Variants in BORCS8 observed in about 807,000 individuals in gnomAD.
BORCS8 encodes BLOC-1-related complex subunit 8.
Under a neutral mutation model 18.7 loss-of-function variants are expected in BORCS8, and 13 were observed. That is an observed-to-expected ratio of 0.70 (90% confidence interval 0.45 to 1.11). The LOEUF (loss-of-function observed/expected upper bound fraction) is 1.11. Among genes scored for constraint, BORCS8 ranks in the 50% least tolerant of loss-of-function variants. The pLI, the probability that BORCS8 is intolerant of heterozygous loss-of-function variation, is 0.00. For synonymous variants in BORCS8, 68 were observed against 64.8 expected, an observed-to-expected ratio of 1.05 and a Z score of -0.24; for missense variants, 165 against 165.7, an observed-to-expected ratio of 1.00 and a Z score of 0.02.
At chr19:19,177,708 G>GAA (rs942032354) in intron 5 of BORCS8, 1 of 72,034 alleles carries the variant, frequency 1.4e-5, no homozygotes, top group South Asian at 2.2e-4. Flanking sequence ...GAAAAGAAAA[G>GAA]AAAAGAAAAG....
rs2060359969 is a variant in BORCS8 at position 19,182,616 on chromosome 19, T to C, written c.283A>G (p.Ile95Val). ...RSVEGLLKQA[I>V]SIRDHMNASA... ...GCATTCATATGGTCCCGGATGCTGA[T>C]GGCCTGTTTGAGCAGACCCTCCACG... Residue 95 changes from isoleucine to valine, a missense_variant, in exon 4 of 6, where the codon ATC (isoleucine) becomes GTC (valine). Physicochemically the swap from Ile to Val is conservative, Grantham distance 29. Transcript: ENST00000462790. This position sits in a 1 kb window ranked among gnomAD's most constrained non-coding sequence, Gnocchi z 4.1. 1 of 1,551,392 alleles carries C rather than the reference T, an allele frequency of 6.4e-7. No individual in the cohort carries two copies. Among genetic ancestry groups the C allele is most frequent in the Non-Finnish European group, 8.7e-7 (1 of 1,146,942 alleles).
intron 3 of BORCS8, among the ~76,000 whole-genome samples, chr19:19,184,289 T>G (rs77805918): frequency 1.5e-4 from 20 of 135,692 alleles, no homozygotes; most frequent in South Asian, 4.4e-4. Flanking sequence ...TTTTTGTTGG[T>G]TTTTTTTTTT....
chr19:19,187,013 C>T lies in BORCS8; in HGVS notation c.38-8G>A. ...CAGTGAACTTGTCCGTGACTAGATA[C>T]AGGTGGTAGGGATGGGGCGGGTGTG... On this transcript the variant is annotated splice_region_variant and splice_polypyrimidine_tract_variant and intron_variant, in intron 1 of 5. Transcript: ENST00000462790. 1 of 1,547,690 alleles carries T rather than the reference C, an allele frequency of 6.5e-7. No individual in the cohort carries two copies. The highest frequency in any genetic ancestry group is 8.7e-7 in the Non-Finnish European group (1 of 1,144,060).
intron 5 of BORCS8, 176 bp downstream of exon 5, chr19:19,180,510 G>C: frequency 1.6e-6 from 1 of 624,530 alleles, no homozygotes; most frequent in South Asian, 1.8e-5. Flanking sequence ...CTGAGCAGCA[G>C]GGTGGAACAT....
At position 19,177,640 on chromosome 19, in the gene BORCS8, AGAAGGAAG is replaced by A. The variant is rs1212671462; in HGVS notation, c.*43-188_*43-181del. The stretch of plus-strand genomic sequence containing the variant: ...AGATCCTGTCAAAAGAAAGAAAGAA[AGAAGGAAG>A]GAAGGAAGGAAGGAAGGAAGGAAGG... On this transcript the variant is annotated intron_variant, in intron 5 of 5. Coordinates refer to ENST00000462790, the MANE Select transcript of BORCS8 (RefSeq NM_001145784.2). The A allele has an allele frequency of 8.7e-3, 898 of 103,066 alleles. 21 individuals carry two copies. The highest frequency in any genetic ancestry group is 0.011 in the African/African-American group (263 of 24,198). The allele number at this position is 103,066 out of a possible 1,614,324, so 6.4% of individuals were successfully genotyped here.
intron 4 of BORCS8, 52 bp from the exon 5 acceptor site, chr19:19,180,813 G>A: frequency 6.7e-7 from 1 of 1,501,176 alleles, no homozygotes; most frequent in Non-Finnish European, 8.9e-7. Flanking sequence ...AGGCCACAAG[G>A]CTTGCTCAGC....
chr19:19,188,640 G>A (rs954444374), intron 1 of BORCS8, among the ~76,000 whole-genome samples: 1 of 152,120 alleles, frequency 6.6e-6, no homozygotes, highest in Non-Finnish European at 1.5e-5. Context: ...CCACTCACCA[G>A]TGAGAGATAT....
At chr19:19,177,692 GGAAGAGAAAAGAAAAGAAAAGA>G (rs2060309347) in intron 5 of BORCS8, 1 of 48,894 alleles carries the variant, frequency 2.0e-5, no homozygotes, top group Non-Finnish European at 3.9e-5. Flanking sequence ...AAGGAAGGAA[GGAAGAGAAAAGAAAAGAAAAGA>G]AAAGAAAAGA....
intron 1 of BORCS8, 120 bp downstream of exon 1, chr19:19,191,961 C>G (rs922386807): frequency 1.2e-4 from 145 of 1,220,270 alleles, no homozygotes; most frequent in Non-Finnish European, 1.5e-4. Context: ...AGCGGCAGAG[C>G]TGGGATTGGA....
In BORCS8 at chr19:19,182,516, G is replaced by A; in HGVS notation, c.326+57C>T. The A allele has an allele frequency of 6.5e-7, 1 of 1,530,598 alleles. No individual in the cohort carries two copies. Among genetic ancestry groups the A allele is most frequent in the East Asian group, 2.5e-5 (1 of 40,696 alleles). 94.8% of individuals were successfully genotyped at this position (1,530,598 alleles called of 1,614,324 possible). A position where few individuals can be genotyped will look rare whatever the true frequency, so the allele number is the denominator to read the frequency against. On this transcript the variant is annotated intron_variant, in intron 4 of 5. Transcript: ENST00000462790. The surrounding 1 kb of genome is among the most constrained non-coding windows in gnomAD (Gnocchi z 4.1). ...AGAAGCAGCGGTTCCCAGCGCAGCT[G>A]AGAGACGGTCCTTGCAGCTGGGAGT...
At chr19:19,191,406 C>A (rs1349496698) in intron 1 of BORCS8, among the ~76,000 whole-genome samples, 2 of 151,182 alleles carry the variant, frequency 1.3e-5, no homozygotes, top group Admixed American at 1.3e-4. Context: ...GCAAGAGGAT[C>A]GCCCGCGCCA....
At chr19:19,179,969 C>T (rs1164807855) in intron 5 of BORCS8, 1 of 152,816 alleles carries the variant, frequency 6.5e-6, no homozygotes, top group Non-Finnish European at 1.5e-5. Context: ...CAAGGGACCC[C>T]CTGACTATGC....
In BORCS8 at chr19:19,177,625, AAAAG is replaced by A. The variant is rs1395488489; in HGVS notation, c.*43-169_*43-166del. The A allele has an allele frequency of 7.5e-3, 1,071 of 143,756 alleles. 25 individuals are homozygous for A. Among genetic ancestry groups the A allele is most frequent in the African/African-American group, 0.028 (1,002 of 35,654 alleles). 8.9% of individuals were successfully genotyped at this position (143,756 alleles called of 1,614,324 possible). A position where few individuals can be genotyped will look rare whatever the true frequency, so the allele number is the denominator to read the frequency against. ...GCCTGGATGACAGCCAGATCCTGTCAAAAGAAAGAAAGAAAGAAGGAAGGAAGGA... is the reference window on the plus strand; with the variant it reads ...GCCTGGATGACAGCCAGATCCTGTCAAAAGAAAGAAAGAAGGAAGGAAGGA... On this transcript the variant is annotated intron_variant, in intron 5 of 5. Coordinates refer to ENST00000462790, the MANE Select transcript of BORCS8 (RefSeq NM_001145784.2).
chr19:19,181,720 A>G (rs2060350899), intron 4 of BORCS8, among the ~76,000 whole-genome samples: 1 of 152,164 alleles, frequency 6.6e-6, no homozygotes, highest in Admixed American at 6.6e-5. Flanking sequence ...CCATTCTTAC[A>G]CATACACTCA....
chr19:19,184,987 TC>T (rs1225937234), intron 3 of BORCS8, among the ~76,000 whole-genome samples: 5 of 152,236 alleles, frequency 3.3e-5, no homozygotes, highest in African/African-American at 1.2e-4. Context: ...CACCTCAGCC[TC>T]CTGAGTAGCT....
At chr19:19,177,692 G>GAAA (rs1555777404) in intron 5 of BORCS8, 1 of 48,894 alleles carries the variant, frequency 2.0e-5, no homozygotes, top group African/African-American at 8.3e-5. Context: ...AAGGAAGGAA[G>GAAA]GAAGAGAAAA....
chr19:19,182,753 A>C lies in BORCS8; in HGVS notation c.216-70T>G. The C allele has an allele frequency of 6.8e-7, 1 of 1,476,748 alleles. No homozygotes were observed. Among genetic ancestry groups the C allele is most frequent in the Non-Finnish European group, 9.0e-7 (1 of 1,107,762 alleles). 91.5% of individuals were successfully genotyped at this position (1,476,748 alleles called of 1,614,324 possible). On this transcript the variant is annotated intron_variant, in intron 3 of 5. Transcript: ENST00000462790. The surrounding 1 kb of genome is among the most constrained non-coding windows in gnomAD (Gnocchi z 4.1). ...TAACTGTCCCACACCCCAGCACTTG[A>C]GGTCACCACCAGGGCTCGGTGGGTA...
In BORCS8 at chr19:19,182,783, A is replaced by G. The variant is rs1217766185; in HGVS notation, c.216-100T>C. On this transcript the variant is annotated intron_variant, in intron 3 of 5. Transcript: ENST00000462790. This position sits in a 1 kb window ranked among gnomAD's most constrained non-coding sequence, Gnocchi z 4.1. The stretch of plus-strand genomic sequence containing the variant: ...ACCACCAGGGCTCGGTGGGTACCTC[A>G]GTGATTCTGCGGGCTTCCCGAAGGA... 1.3e-5 allele frequency: 18 copies of G among 1,420,258 alleles called. No homozygotes were observed. The highest frequency in any genetic ancestry group is 2.7e-5 in the Admixed American group (1 of 37,698). The allele number at this position is 1,420,258 out of a possible 1,614,324, so 88.0% of individuals were successfully genotyped here. A position where few individuals can be genotyped will look rare whatever the true frequency, so the allele number is the denominator to read the frequency against.
chr19:19,188,233 T>A (rs1324133325), intron 1 of BORCS8, among the ~76,000 whole-genome samples: 3 of 151,232 alleles, frequency 2.0e-5, no homozygotes, highest in Non-Finnish European at 4.4e-5. Flanking sequence ...GGTTTCACTG[T>A]GTTACCAGGA....
Sources: allele counts gnomAD v4.1 joint callset (sites outside exome capture counted in the v4.1 genomes callset), GRCh38; gene constraint gnomAD v4.1.1; non-coding constraint Gnocchi (gnomAD v3.1); transcripts MANE v1.5; gene names NCBI Gene and HGNC (gene_info 2026-07-23, HGNC 2026-07-21).